UPP2: variants seen among roughly 807,000 people sequenced by gnomAD.
The protein encoded by UPP2 is uridine phosphorylase 2, also known as UPase 2.
Under a neutral mutation model 26.7 loss-of-function variants are expected in UPP2, and 23 were observed. The observed-to-expected ratio is 0.86, with a 90% CI of 0.62 to 1.22. UPP2 has a LOEUF of 1.22. UPP2 is among the 50% of genes most tolerant of loss of function. The pLI, the probability that UPP2 is intolerant of heterozygous loss-of-function variation, is 0.00. For synonymous variants in UPP2, 127 were observed against 141.3 expected, an observed-to-expected ratio of 0.90 and a Z score of 0.72; for missense variants, 387 against 396.7, an observed-to-expected ratio of 0.98 and a Z score of 0.21.
intron 3 of UPP2, among the ~76,000 whole-genome samples, chr2:158,058,767 GGAAC>G (rs10617951): frequency 0.094 from 14,234 of 151,924 alleles, 2,140 homozygotes; most frequent in African/African-American, 0.33. Context: ...TTGTTTTGAG[GGAAC>G]GAACCCTGGT....
At chr2:158,042,691 G>A (rs1427102407) in intron 3 of UPP2, among the ~76,000 whole-genome samples, 1 of 152,156 alleles carries the variant, frequency 6.6e-6, no homozygotes, top group East Asian at 1.9e-4. Context: ...TTTTTGGGGT[G>A]ACCTTATAGG....
At chr2:158,031,894 G>T (rs938009429) in intron 3 of UPP2, among the ~76,000 whole-genome samples, 1 of 152,148 alleles carries the variant, frequency 6.6e-6, no homozygotes, top group African/African-American at 2.4e-5. Context: ...GTTAGAATTT[G>T]ATCGTGATCA....
At chr2:158,041,237 T>A (rs1352987287) in intron 3 of UPP2, among the ~76,000 whole-genome samples, 1 of 152,214 alleles carries the variant, frequency 6.6e-6, no homozygotes, top group Non-Finnish European at 1.5e-5. Flanking sequence ...ATTTTATTTT[T>A]AAAAATGAAA....
intron 2 of UPP2, among the ~76,000 whole-genome samples, chr2:158,110,668 C>A (rs1047816946): frequency 1.3e-5 from 2 of 152,168 alleles, no homozygotes; most frequent in Admixed American, 6.5e-5. Context: ...ACATCCTCTC[C>A]AGCATCTGTT....
intron 2 of UPP2, among the ~76,000 whole-genome samples, chr2:158,107,988 G>A (rs1312423413): frequency 6.6e-6 from 1 of 152,204 alleles, no homozygotes; most frequent in Non-Finnish European, 1.5e-5. Context: ...GAATTCAAAT[G>A]TTAGATTTGA....
intron 3 of UPP2, chr2:158,065,823 A>G (rs1682425663): frequency 1.4e-6 from 1 of 691,578 alleles, no homozygotes; most frequent in East Asian, 2.6e-5. Flanking sequence ...TAAGTTTCAT[A>G]AAGAACCTCA....
intron 3 of UPP2, among the ~76,000 whole-genome samples, chr2:158,026,008 A>G (rs764009802): frequency 6.6e-6 from 1 of 152,170 alleles, no homozygotes; most frequent in Non-Finnish European, 1.5e-5. Flanking sequence ...CCACCAGGAC[A>G]TAAGAGGTGG....
intron 3 of UPP2, among the ~76,000 whole-genome samples, chr2:158,079,466 A>T (rs551785449): frequency 2.6e-5 from 4 of 152,084 alleles, no homozygotes; most frequent in Non-Finnish European, 5.9e-5. Context: ...ATCTGGGGCA[A>T]ATGAACTAAC....
intron 3 of UPP2, among the ~76,000 whole-genome samples, chr2:158,051,256 T>TA (rs1475836119): frequency 6.6e-6 from 1 of 151,916 alleles, no homozygotes; most frequent in Non-Finnish European, 1.5e-5. Context: ...TTCCTTTTTT[T>TA]ATCCCATGGA....
chr2:158,127,954 C>T, intron 6 of UPP2: 1 of 978,018 alleles, frequency 1.0e-6, no homozygotes, highest in Non-Finnish European at 1.2e-6. Flanking sequence ...ATATCTGTGT[C>T]TCTCTTAAAG....
At chr2:158,028,334 C>G (rs1683868192) in intron 3 of UPP2, among the ~76,000 whole-genome samples, 1 of 152,160 alleles carries the variant, frequency 6.6e-6, no homozygotes, top group African/African-American at 2.4e-5. Context: ...GTTCAAAGTT[C>G]CACAAATCTC....
intron 6 of UPP2, among the ~76,000 whole-genome samples, chr2:158,131,244 C>G (rs1683812970): frequency 6.6e-6 from 1 of 152,130 alleles, no homozygotes; most frequent in Non-Finnish European, 1.5e-5. Flanking sequence ...GCTGCTTTTC[C>G]TTTTTCCAAA....
intron 2 of UPP2, 142 bp from the exon 3 acceptor site, chr2:158,114,959 A>G (rs1194605768): frequency 1.1e-5 from 8 of 737,946 alleles, no homozygotes; most frequent in Non-Finnish European, 1.5e-5. Context: ...AAATTAGCTA[A>G]TTCATGGAAC....
chr2:158,094,599 A>C (rs1241127505), intron 3 of UPP2, among the ~76,000 whole-genome samples: 1 of 152,208 alleles, frequency 6.6e-6, no homozygotes, highest in African/African-American at 2.4e-5. Context: ...AATATATTGC[A>C]CTTAGTAATG....
chr2:158,041,249 G>T (rs1423896997), intron 3 of UPP2, among the ~76,000 whole-genome samples: 7 of 152,012 alleles, frequency 4.6e-5, no homozygotes, highest in Admixed American at 4.6e-4. Flanking sequence ...AAAATGAAAG[G>T]TATAAAATCA....
At chr2:158,032,662 C>T (rs1309819593) in intron 3 of UPP2, among the ~76,000 whole-genome samples, 1 of 151,942 alleles carries the variant, frequency 6.6e-6, no homozygotes, top group African/African-American at 2.4e-5. Context: ...GCATTGTGAA[C>T]AAAAGACTGT....
intron 3 of UPP2, among the ~76,000 whole-genome samples, chr2:158,051,157 ATGTGTG>A (rs57745839): frequency 0.079 from 11,488 of 145,002 alleles, 577 homozygotes; most frequent in Admixed American, 0.17. Flanking sequence ...CTCTAGGAAT[ATGTGTG>A]TGTGTGTGTG....
intron 3 of UPP2, among the ~76,000 whole-genome samples, chr2:158,049,799 GAGA>G (rs1682118823): frequency 6.6e-6 from 1 of 152,158 alleles, no homozygotes; most frequent in Non-Finnish European, 1.5e-5. Context: ...ATTACCTAGG[GAGA>G]AGAATTTTGT....
intron 3 of UPP2, among the ~76,000 whole-genome samples, chr2:158,032,689 T>C (rs559340283): frequency 6.6e-6 from 1 of 152,216 alleles, no homozygotes; most frequent in South Asian, 2.1e-4. Context: ...ACACAGTATG[T>C]CTGGGACAGA....
Sources: allele counts gnomAD v4.1 joint callset (sites outside exome capture counted in the v4.1 genomes callset), GRCh38; gene constraint gnomAD v4.1.1; transcripts MANE v1.5; gene names NCBI Gene and HGNC (gene_info 2026-07-23, HGNC 2026-07-21).